LCORL: variants seen among roughly 807,000 people sequenced by gnomAD.
LCORL encodes ligand dependent nuclear receptor corepressor like.
LCORL carries 41 observed loss-of-function variants against 141.8 expected under a neutral mutation model. That is an observed-to-expected ratio of 0.29 (90% confidence interval 0.23 to 0.38). The LOEUF (loss-of-function observed/expected upper bound fraction) is 0.38. LCORL is among the 10% of genes least tolerant of loss of function. LCORL has a pLI of 1.00. For missense variants in LCORL, 1,759 were observed against 2,035.0 expected, an observed-to-expected ratio of 0.86 and a Z score of 2.61; for synonymous variants, 618 against 694.1, an observed-to-expected ratio of 0.89 and a Z score of 1.72.
chr4:18,006,776 T>C (rs1047657631), intron 1 of LCORL, among the ~76,000 whole-genome samples: 4 of 152,130 alleles, frequency 2.6e-5, no homozygotes, highest in Admixed American at 2.0e-4. Context: ...TTTCCTCCCA[T>C]GACAGGTGGG....
intron 4 of LCORL, among the ~76,000 whole-genome samples, chr4:17,939,233 A>G (rs1737408952): frequency 6.6e-6 from 1 of 152,178 alleles, no homozygotes; most frequent in East Asian, 1.9e-4. Flanking sequence ...ATGAGATACC[A>G]TTTCACACCC....
intron 5 of LCORL, among the ~76,000 whole-genome samples, chr4:17,888,863 A>G (rs558556873): frequency 6.6e-6 from 1 of 152,278 alleles, no homozygotes; most frequent in South Asian, 2.1e-4. Flanking sequence ...ATTCAAGTTT[A>G]TAACTTTATT....
chr4:17,940,784 AT>A (rs58968776), intron 4 of LCORL, among the ~76,000 whole-genome samples: 11,452 of 152,080 alleles, frequency 0.075, 1,480 homozygotes, highest in African/African-American at 0.26. Flanking sequence ...GACCCATGAA[AT>A]CCTATCTATG....
chr4:18,011,298 T>C (rs1423771547), intron 1 of LCORL, among the ~76,000 whole-genome samples: 1 of 152,184 alleles, frequency 6.6e-6, no homozygotes, highest in Non-Finnish European at 1.5e-5. Flanking sequence ...TTCCCAGTTT[T>C]GATTTAAAAG....
intron 4 of LCORL, among the ~76,000 whole-genome samples, chr4:17,932,108 T>G (rs1190307060): frequency 1.3e-5 from 2 of 152,228 alleles, no homozygotes; most frequent in African/African-American, 4.8e-5. Flanking sequence ...TTGTTTTCAA[T>G]TTGCCGTCCA....
chr4:17,973,446 A>C, intron 1 of LCORL, among the ~76,000 whole-genome samples: 1 of 151,902 alleles, frequency 6.6e-6, no homozygotes, highest in Non-Finnish European at 1.5e-5. Flanking sequence ...AAATCTTACC[A>C]AGTTAACAAA....
chr4:17,950,898 A>G (rs1293264823), intron 4 of LCORL, among the ~76,000 whole-genome samples: 1 of 152,204 alleles, frequency 6.6e-6, no homozygotes, highest in Non-Finnish European at 1.5e-5. Flanking sequence ...TTAAACTACA[A>G]ATAGAGTATT....
exon 8 of LCORL, chr4:17,844,087 T>C (rs1437889852): frequency 1.3e-5 from 2 of 151,970 alleles, no homozygotes; most frequent in Admixed American, 6.6e-5. Flanking sequence ...ATAAATGTAT[T>C]ATTAACCATG....
At chr4:17,926,755 C>T (rs1735215269) in intron 4 of LCORL, among the ~76,000 whole-genome samples, 1 of 152,194 alleles carries the variant, frequency 6.6e-6, no homozygotes, top group African/African-American at 2.4e-5. Context: ...ATACAGTGGG[C>T]TTAAAATATT....
chr4:17,931,371 G>A (rs1301359037), intron 4 of LCORL, among the ~76,000 whole-genome samples: 2 of 150,646 alleles, frequency 1.3e-5, no homozygotes, highest in Admixed American at 6.6e-5. Flanking sequence ...TTCTTTATTC[G>A]GATTTACTTT....
At chr4:17,899,541 C>T (rs538724197) in intron 5 of LCORL, among the ~76,000 whole-genome samples, 7 of 152,026 alleles carry the variant, frequency 4.6e-5, no homozygotes, top group Non-Finnish European at 1.0e-4. Context: ...TTGGCAGAAC[C>T]TAGTAAGTCA....
At chr4:17,886,764 C>A (rs1409425554) in intron 5 of LCORL, among the ~76,000 whole-genome samples, 2 of 151,912 alleles carry the variant, frequency 1.3e-5, no homozygotes, top group African/African-American at 4.8e-5. Context: ...ACATAATTTA[C>A]GATAATGCAA....
chr4:17,928,383 A>G (rs1435336545), intron 4 of LCORL, among the ~76,000 whole-genome samples: 1 of 152,222 alleles, frequency 6.6e-6, no homozygotes, highest in Non-Finnish European at 1.5e-5. Flanking sequence ...CTGCCACCCC[A>G]GCCTGGGTGA....
chr4:17,952,211 C>T (rs1577524542), intron 4 of LCORL, among the ~76,000 whole-genome samples: 1 of 152,114 alleles, frequency 6.6e-6, no homozygotes, highest in East Asian at 1.9e-4. Flanking sequence ...AGAAGCATTA[C>T]CTAAACACAG....
chr4:17,917,662 A>G (rs966913324), intron 4 of LCORL, among the ~76,000 whole-genome samples: 4 of 152,228 alleles, frequency 2.6e-5, no homozygotes, highest in Non-Finnish European at 5.9e-5. Flanking sequence ...CTAGGAAAAT[A>G]TACTTCAGAA....
In LCORL at chr4:17,980,942, G is replaced by C. The variant is rs376608822; in HGVS notation, c.155-8057C>G. 6.9e-4 allele frequency among the ~76,000 whole-genome samples: 105 copies of C among 152,272 alleles called. 2 individuals carry two copies. The South Asian group carries it at 0.02, about 29-fold the overall frequency. ...AGGTTCATCCCAAAACCATGCCCCT[G>C]TCCATGGAAAAATTGTCTTTCACAA... is the stretch of plus-strand genomic sequence containing the variant. On this transcript the variant is annotated intron_variant, in intron 1 of 7. Transcript: ENST00000635767.
intron 7 of LCORL, among the ~76,000 whole-genome samples, chr4:17,857,710 G>A (rs956390622): frequency 6.6e-6 from 1 of 152,162 alleles, no homozygotes. Flanking sequence ...GATGCCAATA[G>A]CACCTTCTAA....
chr4:17,936,593 T>C (rs1264021500), intron 4 of LCORL, among the ~76,000 whole-genome samples: 2 of 152,218 alleles, frequency 1.3e-5, no homozygotes, highest in Non-Finnish European at 2.9e-5. Flanking sequence ...CAGATAGCAA[T>C]GGATATTGCA....
chr4:17,989,064 A>C (rs1320520269), intron 1 of LCORL, among the ~76,000 whole-genome samples: 3 of 152,346 alleles, frequency 2.0e-5, no homozygotes, highest in Non-Finnish European at 2.9e-5. Context: ...TATCCAAAAC[A>C]CTTGCTAAAC....
Sources: allele counts gnomAD v4.1 joint callset (sites outside exome capture counted in the v4.1 genomes callset), GRCh38; gene constraint gnomAD v4.1.1; transcripts MANE v1.5; gene names NCBI Gene and HGNC (gene_info 2026-07-23, HGNC 2026-07-21).